Variants in CTNNA3 observed in about 807,000 individuals in gnomAD.
The protein encoded by CTNNA3 is catenin alpha-3.
In CTNNA3, 76 loss-of-function variants were observed where a neutral mutation model predicts 95.7. That is an observed-to-expected ratio of 0.79 (90% confidence interval 0.66 to 0.96). The LOEUF (loss-of-function observed/expected upper bound fraction) is 0.96. CTNNA3 is among the 40% of genes least tolerant of loss of function. The pLI is 0.00. For missense variants in CTNNA3, 1,191 were observed against 1,089.8 expected, an observed-to-expected ratio of 1.09 and a Z score of -1.31; for synonymous variants, 431 against 374.4, an observed-to-expected ratio of 1.15 and a Z score of -1.74.
At chr10:66,679,113 G>T (rs1846973831) in intron 9 of CTNNA3, among the ~76,000 whole-genome samples, 1 of 152,078 alleles carries the variant, frequency 6.6e-6, no homozygotes, top group Admixed American at 6.6e-5. Context: ...TGGTGAGCAG[G>T]GTGGATCTGG....
chr10:66,839,419 T>A (rs1842976600), intron 7 of CTNNA3, among the ~76,000 whole-genome samples: 1 of 152,096 alleles, frequency 6.6e-6, no homozygotes. Flanking sequence ...TGAATATGAG[T>A]ACCTTACAGA....
chr10:67,288,640 T>C (rs1179409028), intron 5 of CTNNA3, among the ~76,000 whole-genome samples: 1 of 152,144 alleles, frequency 6.6e-6, no homozygotes, highest in Non-Finnish European at 1.5e-5. Flanking sequence ...GAAGCTACAC[T>C]ACAATAAACT....
chr10:66,172,311 G>A (rs2085472313), intron 13 of CTNNA3, among the ~76,000 whole-genome samples: 1 of 151,988 alleles, frequency 6.6e-6, no homozygotes, highest in Admixed American at 6.6e-5. Flanking sequence ...GTTTAGCAAA[G>A]CCTTTGTTTT....
intron 14 of CTNNA3, among the ~76,000 whole-genome samples, chr10:66,093,593 G>A (rs1246107473): frequency 6.6e-6 from 1 of 152,024 alleles, no homozygotes; most frequent in Non-Finnish European, 1.5e-5. Flanking sequence ...AAAAAGGATT[G>A]AGGTTCTATA....
At chr10:67,599,234 C>T (rs2133364403) in intron 3 of CTNNA3, among the ~76,000 whole-genome samples, 1 of 152,334 alleles carries the variant, frequency 6.6e-6, no homozygotes, top group African/African-American at 2.4e-5. Flanking sequence ...AAACTCAACA[C>T]TCTTCCAAGG....
intron 9 of CTNNA3, among the ~76,000 whole-genome samples, chr10:66,632,328 T>C (rs10740243): frequency 0.37 from 56,560 of 151,424 alleles, 10,736 homozygotes; most frequent in Middle Eastern, 0.5. Context: ...CTGAGGTGGG[T>C]GAATCTCCTG....
chr10:67,244,056 T>C (rs1264835306), intron 5 of CTNNA3, among the ~76,000 whole-genome samples: 1 of 152,230 alleles, frequency 6.6e-6, no homozygotes, highest in Non-Finnish European at 1.5e-5. Flanking sequence ...ATAATTTACT[T>C]TTCCATGAAA....
At chr10:66,625,535 C>T (rs535738006) in intron 9 of CTNNA3, among the ~76,000 whole-genome samples, 7 of 152,100 alleles carry the variant, frequency 4.6e-5, no homozygotes, top group Admixed American at 2.0e-4. Flanking sequence ...ACTACAGGTG[C>T]GCACCACCAC....
intron 5 of CTNNA3, among the ~76,000 whole-genome samples, chr10:67,445,977 A>G (rs1846729565): frequency 6.6e-6 from 1 of 152,180 alleles, no homozygotes; most frequent in Non-Finnish European, 1.5e-5. Flanking sequence ...GAGAGAAAAG[A>G]TAAAAGGGAC....
chr10:66,723,471 C>G (rs1272334947), intron 9 of CTNNA3, among the ~76,000 whole-genome samples: 1 of 152,122 alleles, frequency 6.6e-6, no homozygotes, highest in Non-Finnish European at 1.5e-5. Flanking sequence ...AGCCACAAAA[C>G]ACAATTAGGA....
chr10:67,304,871 AG>A (rs1840472860), intron 5 of CTNNA3, among the ~76,000 whole-genome samples: 1 of 152,094 alleles, frequency 6.6e-6, no homozygotes. Flanking sequence ...GAGACATCCC[AG>A]AACTATGACC....
intron 5 of CTNNA3, among the ~76,000 whole-genome samples, chr10:67,231,673 G>C (rs1336866307): frequency 6.7e-6 from 1 of 148,160 alleles, no homozygotes; most frequent in East Asian, 2.9e-4. Flanking sequence ...AAGCTGGACG[G>C]AGAATGAGAG....
chr10:67,427,609 T>C (rs1845969277), intron 5 of CTNNA3, among the ~76,000 whole-genome samples: 1 of 152,078 alleles, frequency 6.6e-6, no homozygotes, highest in Non-Finnish European at 1.5e-5. Flanking sequence ...TATGTGTATA[T>C]GAATATATAT....
intron 9 of CTNNA3, among the ~76,000 whole-genome samples, chr10:66,730,901 G>A (rs1200479356): frequency 6.6e-6 from 1 of 152,138 alleles, no homozygotes; most frequent in African/African-American, 2.4e-5. Context: ...CTAAAACTAT[G>A]CAAAAATGCA....
At chr10:67,458,706 C>A (rs1469588123) in intron 5 of CTNNA3, among the ~76,000 whole-genome samples, 1 of 152,044 alleles carries the variant, frequency 6.6e-6, no homozygotes, top group Non-Finnish European at 1.5e-5. Context: ...TGACAAAACC[C>A]CATCTCTACT....
chr10:66,958,256 C>T (rs1193213069), intron 7 of CTNNA3, among the ~76,000 whole-genome samples: 1 of 140,828 alleles, frequency 7.1e-6, no homozygotes, highest in Non-Finnish European at 1.5e-5. Flanking sequence ...AGCAACTTAG[C>T]ATTTATTGGT....
At chr10:66,011,953 C>T (rs1564576872) in intron 15 of CTNNA3, among the ~76,000 whole-genome samples, 1 of 152,144 alleles carries the variant, frequency 6.6e-6, no homozygotes, top group East Asian at 1.9e-4. Context: ...CTGCTGTCTG[C>T]AACATAGAAT....
intron 13 of CTNNA3, among the ~76,000 whole-genome samples, chr10:66,230,680 G>A (rs951330117): frequency 6.6e-5 from 10 of 152,106 alleles, no homozygotes; most frequent in African/African-American, 1.2e-4. Context: ...TATGGAGAGC[G>A]TGCACAGTCT....
intron 16 of CTNNA3, among the ~76,000 whole-genome samples, chr10:65,984,154 T>C (rs1430348209): frequency 2.0e-5 from 3 of 151,428 alleles, no homozygotes; most frequent in Non-Finnish European, 3.0e-5. Flanking sequence ...TGTATTATTT[T>C]TGAAATATTA....
Sources: gnomAD v4.1 joint callset for allele counts (sites outside exome capture counted in the v4.1 genomes callset) on GRCh38, gnomAD v4.1.1 for gene constraint, MANE v1.5 for transcripts, NCBI Gene and HGNC (gene_info 2026-07-23, HGNC 2026-07-21) for gene names.